The following HIVEP3 variants were observed in gnomAD, a reference collection of about 807,000 sequenced individuals.
The protein encoded by HIVEP3 is HIVEP zinc finger 3, also known as transcription factor HIVEP3.
Under a neutral mutation model 152.8 loss-of-function variants are expected in HIVEP3, and 49 were observed. That is an observed-to-expected ratio of 0.32 (90% confidence interval 0.26 to 0.41). HIVEP3 has a LOEUF of 0.41. Among genes scored for constraint, HIVEP3 ranks in the 10% least tolerant of loss-of-function variants. HIVEP3 has a pLI of 1.00. For synonymous variants in HIVEP3, 1,269 were observed against 1,289.0 expected (o/e 0.98, Z 0.33); for missense variants, 2,790 against 3,103.3 (o/e 0.90, Z 2.40).
At chr1:41,982,596 G>C (rs1020229169) in intron 1 of HIVEP3, among the ~76,000 whole-genome samples, 10 of 152,154 alleles carry the variant, frequency 6.6e-5, no homozygotes, top group Non-Finnish European at 1.3e-4. Context: ...AGACAAAATT[G>C]ATTAACAGGT....
intron 2 of HIVEP3, among the ~76,000 whole-genome samples, chr1:41,633,380 G>A (rs1273139126): frequency 2.6e-5 from 4 of 152,110 alleles, no homozygotes; most frequent in African/African-American, 4.8e-5. Context: ...GGCACCCCAG[G>A]ACTTGCTCAG....
At position 41,562,643 on chromosome 1, in the gene HIVEP3, C is replaced by CTT. The variant is rs1553227927; in HGVS notation, c.5207+12900_5207+12901insAA. Among the ~76,000 whole-genome samples, 202 of 119,480 alleles carry CTT rather than the reference C, an allele frequency of 1.7e-3. 3 individuals are homozygous for CTT. The highest frequency in any genetic ancestry group is 7.9e-3 in the Middle Eastern group (2 of 254). 78.4% of individuals were successfully genotyped at this position (119,480 alleles called of 152,430 possible). On this transcript the variant is annotated intron_variant, in intron 5 of 8. Transcript: ENST00000372583. ...TCTCTCTCTCTCTCTCCCTCTCTCT[C>CTT]TCTTTCTTTCTTTCTTTCTTTTCTT...
At chr1:41,559,233 T>C (rs1466058009) in intron 5 of HIVEP3, among the ~76,000 whole-genome samples, 1 of 152,176 alleles carries the variant, frequency 6.6e-6, no homozygotes, top group Non-Finnish European at 1.5e-5. Flanking sequence ...CTGTCTCTTT[T>C]AAAGTCTTCC....
intron 2 of HIVEP3, among the ~76,000 whole-genome samples, chr1:41,688,177 G>T (rs541176309): frequency 6.6e-6 from 1 of 152,308 alleles, no homozygotes; most frequent in South Asian, 2.1e-4. Context: ...TAGCCAAGCC[G>T]ATCTTCTTCA....
At chr1:41,532,000 G>A (rs1375118955) in intron 5 of HIVEP3, among the ~76,000 whole-genome samples, 3 of 124,992 alleles carry the variant, frequency 2.4e-5, no homozygotes, top group African/African-American at 3.2e-5. Flanking sequence ...GGAGGACAGG[G>A]GAGATGGAGG....
chr1:41,650,605 T>C (rs1645534162), intron 2 of HIVEP3, among the ~76,000 whole-genome samples: 1 of 151,006 alleles, frequency 6.6e-6, no homozygotes, highest in Non-Finnish European at 1.5e-5. Context: ...AAGTAAGAAG[T>C]AGACAAGTCC....
intron 3 of HIVEP3, among the ~76,000 whole-genome samples, chr1:41,611,038 CCA>C (rs34398664): frequency 0.084 from 12,750 of 152,166 alleles, 843 homozygotes; most frequent in African/African-American, 0.18. Context: ...TCTGAAAATC[CCA>C]CACTGTGAGA....
chr1:41,999,862 A>G (rs1344710564), intron 1 of HIVEP3, among the ~76,000 whole-genome samples: 1 of 151,876 alleles, frequency 6.6e-6, no homozygotes, highest in Non-Finnish European at 1.5e-5. Context: ...AAAAGAGTCA[A>G]GCCACGCAGC....
chr1:41,845,970 G>C (rs970972359), intron 1 of HIVEP3, among the ~76,000 whole-genome samples: 1 of 152,190 alleles, frequency 6.6e-6, no homozygotes, highest in African/African-American at 2.4e-5. Context: ...TGGAGGCTGA[G>C]GCAGGAGAAT....
intron 5 of HIVEP3, among the ~76,000 whole-genome samples, chr1:41,570,082 G>A (rs1479624438): frequency 5.3e-5 from 8 of 152,168 alleles, no homozygotes; most frequent in Non-Finnish European, 1.2e-4. Context: ...TGGAGATAGG[G>A]ATCTGAGTGT....
At chr1:41,712,449 G>A (rs1024678521) in intron 1 of HIVEP3, among the ~76,000 whole-genome samples, 7 of 152,248 alleles carry the variant, frequency 4.6e-5, no homozygotes, top group Non-Finnish European at 1.0e-4. Flanking sequence ...AAGAGGTAGA[G>A]AATGTAACAT....
chr1:41,906,284 G>C (rs1220677309), intron 1 of HIVEP3, among the ~76,000 whole-genome samples: 1 of 151,668 alleles, frequency 6.6e-6, no homozygotes, highest in African/African-American at 2.4e-5. Context: ...ACTCCAGCCT[G>C]GGCAACACAG....
At chr1:41,720,638 G>A (rs1646661307) in intron 1 of HIVEP3, among the ~76,000 whole-genome samples, 4 of 152,206 alleles carry the variant, frequency 2.6e-5, no homozygotes, top group Admixed American at 2.6e-4. Flanking sequence ...GAACAGTATG[G>A]AAGTTCCTCA....
chr1:41,660,883 C>T lies in HIVEP3; in HGVS notation c.-720-31936G>A, dbSNP rs142026955. Among the ~76,000 whole-genome samples the T allele has an allele frequency of 6.8e-4, 104 of 152,328 alleles. 1 individual carries two copies. The highest frequency in any genetic ancestry group is 2.4e-3 in the African/African-American group (98 of 41,564). On this transcript the variant is annotated intron_variant, in intron 2 of 8. Transcript: ENST00000372583. The stretch of plus-strand genomic sequence containing the variant: ...AAACCTTTACTGGTGGAACAGCTTT[C>T]AGAACTAACAATCCACTGAACACAC...
At chr1:41,831,418 G>A (rs1215971707) in intron 1 of HIVEP3, among the ~76,000 whole-genome samples, 1 of 152,176 alleles carries the variant, frequency 6.6e-6, no homozygotes, top group Non-Finnish European at 1.5e-5. Context: ...ATTTTACATG[G>A]TTATTCAGCT....
At chr1:41,553,188 TG>T in intron 5 of HIVEP3, among the ~76,000 whole-genome samples, 1 of 152,254 alleles carries the variant, frequency 6.6e-6, no homozygotes, top group Non-Finnish European at 1.5e-5. Flanking sequence ...GCTCCTGTAT[TG>T]GGTGCATATA....
At chr1:41,527,069 T>TCACAC (rs1642980226) in intron 5 of HIVEP3, among the ~76,000 whole-genome samples, 1 of 26,884 alleles carries the variant, frequency 3.7e-5, no homozygotes, top group Non-Finnish European at 7.7e-5. Flanking sequence ...CACCCTCACA[T>TCACAC]GCTCATCCTC....
At chr1:41,829,932 A>T (rs558429483) in intron 1 of HIVEP3, among the ~76,000 whole-genome samples, 1 of 152,354 alleles carries the variant, frequency 6.6e-6, no homozygotes, top group South Asian at 2.1e-4. Flanking sequence ...TATCATTTGC[A>T]TGTACAAGGC....
At chr1:41,622,867 G>A (rs1645065934) in intron 3 of HIVEP3, among the ~76,000 whole-genome samples, 1 of 152,212 alleles carries the variant, frequency 6.6e-6, no homozygotes, top group African/African-American at 2.4e-5. Context: ...TTTATTAAGA[G>A]ATTCATTAAG....
Sources: gnomAD v4.1 joint callset for allele counts (sites outside exome capture counted in the v4.1 genomes callset) on GRCh38, gnomAD v4.1.1 for gene constraint, MANE v1.5 for transcripts, NCBI Gene and HGNC (gene_info 2026-07-23, HGNC 2026-07-21) for gene names.